Variants in UBE2Z observed in about 807,000 individuals in gnomAD.
UBE2Z encodes the protein ubiquitin conjugating enzyme E2 Z.
A neutral mutation model predicts 32.6 loss-of-function variants in UBE2Z; 10 were observed. The observed-to-expected ratio is 0.31, with a 90% CI of 0.19 to 0.52. The LOEUF (loss-of-function observed/expected upper bound fraction) is 0.52. Among genes scored for constraint, UBE2Z ranks in the 20% least tolerant of loss-of-function variants. UBE2Z has a pLI of 0.97. For missense variants in UBE2Z, 343 were observed against 480.9 expected, an observed-to-expected ratio of 0.71 and a Z score of 2.68; for synonymous variants, 183 against 190.8, an observed-to-expected ratio of 0.96 and a Z score of 0.34.
chr17:48,921,216 C>A lies in UBE2Z; in HGVS notation c.747C>A (p.Ile249=), dbSNP rs374805356. The change falls in exon 5 of 7, where the codon ATC becomes ATA. Residue 249 remains isoleucine (I), a synonymous_variant. Transcript: ENST00000360943. ...NYNECIRHET[I]RVAVCDMMEG... ...ATGAATGTATCCGGCACGAGACCAT[C>A]AGAGTTGCAGTCTGTGACATGATGG... 147 of 1,613,098 alleles carry A rather than the reference C, an allele frequency of 9.1e-5. 1 individual carries two copies. In the Middle Eastern group the frequency reaches 5.4e-3, roughly 60 times the overall value.
intron 2 of UBE2Z, chr17:48,911,913 G>C (rs545983294): frequency 2.0e-5 from 3 of 152,206 alleles, no homozygotes; most frequent in African/African-American, 7.2e-5. Flanking sequence ...ATGCTTAGCA[G>C]ACCTAAATGC....
chr17:48,908,429 T>G lies in UBE2Z; in HGVS notation c.-75T>G. The G allele has an allele frequency of 8.4e-7, 1 of 1,184,246 alleles. No homozygotes were observed. Among genetic ancestry groups the G allele is most frequent in the Non-Finnish European group, 1.1e-6 (1 of 948,368 alleles). 73.4% of individuals were successfully genotyped at this position (1,184,246 alleles called of 1,614,324 possible). ...GACACTCTGGCCCGGTTCTCGGTGG[T>G]GCGGGAGCGGGCGGGAGCAGCGGCC... On this transcript the variant is annotated 5_prime_UTR_variant, in exon 1 of 7. Coordinates refer to ENST00000360943, the MANE Select transcript of UBE2Z (RefSeq NM_023079.5).
At chr17:48,926,897 A>G (rs2040802398) in intron 6 of UBE2Z, 67 bp from the exon 7 acceptor site, 3 of 1,522,574 alleles carry the variant, frequency 2.0e-6, no homozygotes, top group Admixed American at 2.0e-5. Context: ...ATGGGCCCGA[A>G]GTTGCTTTCT....
At chr17:48,923,320 C>CAA (rs56100763) in intron 6 of UBE2Z, among the ~76,000 whole-genome samples, 9 of 102,078 alleles carry the variant, frequency 8.8e-5, no homozygotes, top group African/African-American at 4.5e-4. Context: ...GACTCTGTCT[C>CAA]AAAAAAAAAA....
chr17:48,912,746 T>C, intron 2 of UBE2Z, 88 bp from the exon 3 acceptor site: 1 of 1,421,680 alleles, frequency 7.0e-7, no homozygotes, highest in Non-Finnish European at 9.8e-7. Context: ...GGACTCTGCT[T>C]CTGGTGTGGG....
At chr17:48,910,608 T>C (rs2040669162) in intron 1 of UBE2Z, 200 bp from the exon 2 acceptor site, 2 of 469,054 alleles carry the variant, frequency 4.3e-6, no homozygotes, top group Non-Finnish European at 7.7e-6. Context: ...GCCCTTTTGA[T>C]AATAATTTGC....
chr17:48,920,347 C>A (rs1001380282), intron 4 of UBE2Z, among the ~76,000 whole-genome samples: 2 of 151,804 alleles, frequency 1.3e-5, no homozygotes, highest in African/African-American at 4.8e-5. Flanking sequence ...AATACAAAAA[C>A]TAGCTGGGCG....
chr17:48,916,128 A>G lies in UBE2Z; in HGVS notation c.631A>G (p.Ile211Val). ...SPAQSISSVL[I>V]SIQSLMTENP... is the part of the protein sequence containing the mutation. The stretch of plus-strand genomic sequence containing the variant: ...AGCCCAGAGCATCTCCTCAGTGCTC[A>G]TCTCTATCCAGTCCCTGATGACTGA... Residue 211 changes from isoleucine (I) to valine (V), a missense_variant, in exon 4 of 7, where the codon ATC becomes GTC. Ile to Val is a conservative substitution (Grantham distance 29). Transcript: ENST00000360943. 1.3e-6 allele frequency: 2 copies of G among 1,590,320 alleles called. No homozygotes were observed. Among genetic ancestry groups the G allele is most frequent in the Non-Finnish European group, 1.7e-6 (2 of 1,170,256 alleles).
chr17:48,908,585 G>T lies in UBE2Z; in HGVS notation c.82G>T (p.Val28Phe). The change falls in exon 1 of 7, where the codon GTT becomes TTT. Residue 28 changes from valine (V) to phenylalanine (F), a missense_variant. This residue lies in a region of UBE2Z where 103 missense variants were observed against 96.2 expected (regional missense o/e 1.07). Transcript: ENST00000360943. ...CGGGGCGAGCAGCGTTGCTGGTGTT[G>T]TTGGCGTTAGCGGCAGCGGCGGCGG... ...GPGASSVAGVVGVSGSGGGFG... is the reference protein window; with the variant it reads ...GPGASSVAGVFGVSGSGGGFG... 1.6e-6 allele frequency: 2 copies of T among 1,240,734 alleles called. No individual in the cohort carries two copies. Among genetic ancestry groups the T allele is most frequent in the Non-Finnish European group, 2.0e-6 (2 of 989,260 alleles). 76.9% of individuals were successfully genotyped at this position (1,240,734 alleles called of 1,614,324 possible).
Position 48,928,980 on chromosome 17 carries a change from ATCT to A in UBE2Z, c.*1847_*1849del, listed in dbSNP as rs1243378339. On this transcript the variant is annotated 3_prime_UTR_variant, in exon 7 of 7. Transcript: ENST00000360943. ...ACAGGAGTCAAAGAGATGTCTTTAT[ATCT>A]GACTGTATATAAATGAAGTTTTTTT... 1.3e-5 allele frequency: 2 copies of A among 152,630 alleles called. No individual in the cohort carries two copies. The highest frequency in any genetic ancestry group is 4.8e-5 in the African/African-American group (2 of 41,436). 9.5% of individuals were successfully genotyped at this position (152,630 alleles called of 1,614,324 possible).
At chr17:48,911,706 T>C (rs1181044272) in intron 2 of UBE2Z, 1 of 152,196 alleles carries the variant, frequency 6.6e-6, no homozygotes, top group East Asian at 1.9e-4. Flanking sequence ...TCCTAGGACA[T>C]CTCGTCCTCA....
chr17:48,922,042 T>C (rs1437725236), intron 5 of UBE2Z, among the ~76,000 whole-genome samples: 1 of 152,060 alleles, frequency 6.6e-6, no homozygotes, highest in Non-Finnish European at 1.5e-5. Context: ...AGAAAACTAA[T>C]GGTGAATATT....
intron 6 of UBE2Z, among the ~76,000 whole-genome samples, chr17:48,926,462 C>A (rs907321791): frequency 2.8e-5 from 4 of 140,632 alleles, no homozygotes; most frequent in Non-Finnish European, 4.7e-5. Context: ...CTATTTGGGG[C>A]GGTAAGAGTG....
chr17:48,924,842 T>C (rs2040786663), intron 6 of UBE2Z, among the ~76,000 whole-genome samples: 1 of 46,690 alleles, frequency 2.1e-5, no homozygotes, highest in East Asian at 6.0e-4. Flanking sequence ...CAAGATTCTG[T>C]CTCAAAAAAA....
rs11869683 is a variant in UBE2Z, at chr17:48,923,059, T to C, written c.894+122T>C. Reference sequence around the variant, plus strand: ...AGCTAAGCCTGGGTTCAGTGGCTCATGCCTGTAATCCCAGCACTTTGGGAG... The same window carrying C: ...AGCTAAGCCTGGGTTCAGTGGCTCACGCCTGTAATCCCAGCACTTTGGGAG... On this transcript the variant is annotated intron_variant, in intron 6 of 6. Transcript: ENST00000360943. 5,553 of 875,720 alleles carry C rather than the reference T, an allele frequency of 6.3e-3. 38 individuals carry two copies. Among genetic ancestry groups the C allele is most frequent in the African/African-American group, 0.011 (646 of 59,094 alleles). 54.2% of individuals were successfully genotyped at this position (875,720 alleles called of 1,614,324 possible).
intron 1 of UBE2Z, chr17:48,910,280 T>C (rs1353865391): frequency 1.9e-5 from 3 of 154,408 alleles, no homozygotes; most frequent in Admixed American, 1.9e-4. Context: ...GAGACACCCC[T>C]GGGCAAGAAG....
intron 4 of UBE2Z, among the ~76,000 whole-genome samples, chr17:48,918,720 A>G (rs1170223100): frequency 2.7e-5 from 4 of 149,614 alleles, no homozygotes; most frequent in Non-Finnish European, 5.9e-5. Flanking sequence ...AGACCTCATT[A>G]GCAGGAGCTG....
chr17:48,921,098 C>T, intron 4 of UBE2Z, 62 bp from the exon 5 acceptor site: 4 of 1,376,480 alleles, frequency 2.9e-6, no homozygotes, highest in South Asian at 2.5e-5. Flanking sequence ...TCTTGAAGTC[C>T]CTTCCCATTG....
chr17:48,927,401 G>A lies in UBE2Z; in HGVS notation c.*267G>A. ...GTACCTTTACAGGAGCACCTAGAGC[G>A]AGGGCCTTTGGCAAAAACAAAACAA... is the stretch of plus-strand genomic sequence containing the variant. On this transcript the variant is annotated 3_prime_UTR_variant, in exon 7 of 7. Transcript: ENST00000360943. 4 of 395,434 alleles carry A rather than the reference G, an allele frequency of 1.0e-5. No individual in the cohort carries two copies. The highest frequency in any genetic ancestry group is 7.4e-4 in the Middle Eastern group (1 of 1,354). 24.5% of individuals were successfully genotyped at this position (395,434 alleles called of 1,614,324 possible). A position where few individuals can be genotyped will look rare whatever the true frequency, so the allele number is the denominator to read the frequency against.
Sources: allele counts gnomAD v4.1 joint callset (sites outside exome capture counted in the v4.1 genomes callset), GRCh38; gene constraint gnomAD v4.1.1; regional missense constraint gnomAD v4.1.1; transcripts MANE v1.5; gene names NCBI Gene and HGNC (gene_info 2026-07-23, HGNC 2026-07-21).